Variants in PRKCH observed in about 807,000 individuals in gnomAD.
PRKCH encodes the protein protein kinase C eta type.
PRKCH carries 28 observed loss-of-function variants against 82.5 expected under a neutral mutation model. The ratio of observed to expected loss-of-function variants is 0.34; its 90% confidence interval spans 0.25 to 0.47. PRKCH has a LOEUF of 0.47. PRKCH is among the 20% of genes least tolerant of loss of function. PRKCH has a pLI of 1.00. For synonymous variants in PRKCH, 322 were observed against 327.4 expected, an observed-to-expected ratio of 0.98 and a Z score of 0.18; for missense variants, 705 against 881.8, an observed-to-expected ratio of 0.80 and a Z score of 2.54.
At chr14:61,303,162 A>C (rs2140105406) in intron 1 of PRKCH, 1 of 152,194 alleles carries the variant, frequency 6.6e-6, no homozygotes, top group Non-Finnish European at 1.5e-5. Context: ...CAGATGCTAC[A>C]GCTACAGATG....
chr14:61,530,502 A>G lies in PRKCH; in HGVS notation c.1668A>G (p.Ala556=). 1.2e-6 allele frequency: 2 copies of G among 1,612,796 alleles called. No individual in the cohort carries two copies. Among genetic ancestry groups the G allele is most frequent in the Non-Finnish European group, 1.7e-6 (2 of 1,179,408 alleles). The change falls in exon 12 of 14, where the codon GCA becomes GCG. Residue 556 remains alanine (A), a synonymous_variant. Coordinates refer to ENST00000332981, the MANE Select transcript of PRKCH (RefSeq NM_006255.5). ...TCTGTGGTCACGCGCCTTTTGAGGC[A>G]GAGAACGAAGATGACCTCTTTGAGG... ...EMLCGHAPFE[A]ENEDDLFEAI... is the part of the protein sequence containing the mutation.
chr14:61,394,861 G>T (rs1375186725), intron 2 of PRKCH, among the ~76,000 whole-genome samples: 2 of 152,144 alleles, frequency 1.3e-5, no homozygotes, highest in Non-Finnish European at 2.9e-5. Context: ...CTAGTCCTTT[G>T]TCTCTGCCTA....
At chr14:61,203,861 A>G (rs1045769415) in intron 1 of PRKCH, among the ~76,000 whole-genome samples, 1 of 151,926 alleles carries the variant, frequency 6.6e-6, no homozygotes, top group Non-Finnish European at 1.5e-5. Flanking sequence ...TAATAATAAT[A>G]TATTTCATAT....
intron 1 of PRKCH, among the ~76,000 whole-genome samples, chr14:61,334,673 T>C (rs953519959): frequency 2.6e-5 from 4 of 152,138 alleles, no homozygotes; most frequent in African/African-American, 9.7e-5. Context: ...GTCCCAGATC[T>C]GTTGCTTCCT....
chr14:61,373,400 C>T (rs983583630), intron 1 of PRKCH, among the ~76,000 whole-genome samples: 1 of 151,852 alleles, frequency 6.6e-6, no homozygotes, highest in Non-Finnish European at 1.5e-5. Context: ...CATGAGAACT[C>T]ACTATCATGA....
At chr14:61,273,436 T>C (rs1387012491) in intron 1 of PRKCH, among the ~76,000 whole-genome samples, 1 of 152,234 alleles carries the variant, frequency 6.6e-6, no homozygotes, top group Non-Finnish European at 1.5e-5. Flanking sequence ...GGGAAAGCAA[T>C]GTTTATTTAC....
chr14:61,302,141 G>T (rs2045452344), intron 1 of PRKCH, among the ~76,000 whole-genome samples: 1 of 152,098 alleles, frequency 6.6e-6, no homozygotes, highest in South Asian at 2.1e-4. Flanking sequence ...CTAAGTTGTT[G>T]AATTTATTGG....
chr14:61,326,435 G>A (rs964022060), intron 1 of PRKCH, among the ~76,000 whole-genome samples: 1 of 152,162 alleles, frequency 6.6e-6, no homozygotes, highest in African/African-American at 2.4e-5. Context: ...GAGAGTGGAG[G>A]TAAGGGAGGT....
chr14:61,319,700 T>G (rs1199140909), upstream of PRKCH, among the ~76,000 whole-genome samples: 1 of 151,942 alleles, frequency 6.6e-6, no homozygotes, highest in Non-Finnish European at 1.5e-5. Context: ...GAGGAAAGGG[T>G]GACAGAGCTG....
At chr14:61,359,925 A>C (rs1270469007) in intron 1 of PRKCH, among the ~76,000 whole-genome samples, 4 of 152,236 alleles carry the variant, frequency 2.6e-5, no homozygotes, top group Admixed American at 6.5e-5. Context: ...AGGATGTAGA[A>C]GTCCTGATGG....
At chr14:61,293,838 G>A (rs964376918) in intron 1 of PRKCH, among the ~76,000 whole-genome samples, 1 of 152,122 alleles carries the variant, frequency 6.6e-6, no homozygotes, top group African/African-American at 2.4e-5. Flanking sequence ...AATCTTACCA[G>A]GAAAACTCTG....
rs148851114 is a variant in PRKCH at position 61,469,647 on chromosome 14, T to C, written c.1278+11968T>C. On this transcript the variant is annotated intron_variant, in intron 9 of 13. Coordinates refer to ENST00000332981, the MANE Select transcript of PRKCH (RefSeq NM_006255.5). ...TGGATCAAAATCATACCCTGTAATA[T>C]GTTCTAGTTTTTAAATAACTTGGGT... 7.2e-4 allele frequency among the ~76,000 whole-genome samples: 109 copies of C among 152,346 alleles called. 1 individual carries two copies. The East Asian group carries it at 0.012, about 17-fold the overall frequency.
chr14:61,441,221 G>A (rs1883953657), intron 2 of PRKCH, among the ~76,000 whole-genome samples: 1 of 151,972 alleles, frequency 6.6e-6, no homozygotes, highest in Non-Finnish European at 1.5e-5. Flanking sequence ...TTTTTTGAAT[G>A]CTGCGATGTG....
chr14:61,476,978 A>T (rs540815619), intron 9 of PRKCH, among the ~76,000 whole-genome samples: 1 of 152,340 alleles, frequency 6.6e-6, no homozygotes, highest in African/African-American at 2.4e-5. Context: ...TGGTGCAATC[A>T]GATTTCCTCA....
intron 1 of PRKCH, among the ~76,000 whole-genome samples, chr14:61,223,824 C>G (rs569443950): frequency 7.2e-5 from 11 of 152,346 alleles, no homozygotes; most frequent in African/African-American, 1.9e-4. Context: ...GCAGTCCAGA[C>G]AGGCAGCCAT....
intron 1 of PRKCH, among the ~76,000 whole-genome samples, chr14:61,217,017 T>A (rs903450194): frequency 1.3e-5 from 2 of 151,700 alleles, no homozygotes; most frequent in Admixed American, 6.6e-5. Flanking sequence ...CATATACATT[T>A]GTAAAAATTC....
intron 10 of PRKCH, among the ~76,000 whole-genome samples, chr14:61,486,403 T>G (rs1237853615): frequency 6.6e-6 from 1 of 152,206 alleles, no homozygotes; most frequent in African/African-American, 2.4e-5. Context: ...CCCAAATATT[T>G]GATTCTCCAT....
At chr14:61,498,844 G>A (rs1886773235) in intron 10 of PRKCH, among the ~76,000 whole-genome samples, 1 of 152,118 alleles carries the variant, frequency 6.6e-6, no homozygotes, top group Non-Finnish European at 1.5e-5. Flanking sequence ...ATTCTGGCAG[G>A]ACACAAAACA....
At chr14:61,284,191 TG>T (rs1230027393) in intron 1 of PRKCH, among the ~76,000 whole-genome samples, 1 of 152,202 alleles carries the variant, frequency 6.6e-6, no homozygotes, top group Non-Finnish European at 1.5e-5. Flanking sequence ...AGAATGCAGC[TG>T]GGTATTGGGC....
Sources: allele counts gnomAD v4.1 joint callset (sites outside exome capture counted in the v4.1 genomes callset), GRCh38; gene constraint gnomAD v4.1.1; transcripts MANE v1.5; gene names NCBI Gene and HGNC (gene_info 2026-07-23, HGNC 2026-07-21).